PRDM5: variants seen among roughly 807,000 people sequenced by gnomAD.
PRDM5 encodes PR domain zinc finger protein 5.
In PRDM5, 56 loss-of-function variants were observed where a neutral mutation model predicts 81.2. That is an observed-to-expected ratio of 0.69 (90% CI 0.56 to 0.86). The LOEUF (loss-of-function observed/expected upper bound fraction) is 0.86, where lower values mean the gene tolerates loss of function less well. Ranked by LOEUF, PRDM5 falls within the 40% of genes least tolerant of loss-of-function variation. The pLI, the probability that PRDM5 is intolerant of heterozygous loss-of-function variation, is 0.00. For synonymous variants in PRDM5, 267 were observed against 256.4 expected, an observed-to-expected ratio of 1.04 and a Z score of -0.39; for missense variants, 697 against 770.1, an observed-to-expected ratio of 0.91 and a Z score of 1.12.
chr4:120,743,302 C>A (rs1023252177), intron 14 of PRDM5, among the ~76,000 whole-genome samples: 3 of 151,884 alleles, frequency 2.0e-5, no homozygotes, highest in Admixed American at 2.0e-4. Context: ...AAAGGAACAA[C>A]CGGTACCAGC....
chr4:120,718,683 TA>T (rs150503310), intron 14 of PRDM5, among the ~76,000 whole-genome samples: 7,847 of 152,244 alleles, frequency 0.052, 272 homozygotes, highest in East Asian at 0.1. Context: ...GTGTTTTATT[TA>T]AAAAAATCCA....
At chr4:120,900,923 C>T (rs1765160126) in intron 2 of PRDM5, among the ~76,000 whole-genome samples, 2 of 152,096 alleles carry the variant, frequency 1.3e-5, no homozygotes, top group Non-Finnish European at 2.9e-5. Context: ...TCCCTCTCTC[C>T]TCTATTTCTT....
At chr4:120,861,013 T>C (rs995729683) in intron 2 of PRDM5, among the ~76,000 whole-genome samples, 3 of 152,188 alleles carry the variant, frequency 2.0e-5, no homozygotes. Context: ...GTTATCTCTT[T>C]GTTGTTGTTG....
intron 10 of PRDM5, among the ~76,000 whole-genome samples, chr4:120,797,861 G>C (rs1289167356): frequency 6.6e-6 from 1 of 152,112 alleles, no homozygotes; most frequent in Non-Finnish European, 1.5e-5. Flanking sequence ...AACCTCCTGA[G>C]GGGAAAGGAA....
intron 3 of PRDM5, among the ~76,000 whole-genome samples, chr4:120,833,497 G>A (rs77657103): frequency 0.088 from 13,422 of 151,882 alleles, 786 homozygotes; most frequent in East Asian, 0.22. Flanking sequence ...AAAGGTGAAA[G>A]TTCTTGACCT....
In PRDM5 at chr4:120,816,562, G is replaced by A. The variant is rs747035854; in HGVS notation, c.756C>T (p.His252=). The change falls in exon 7 of 16, where the codon CAC becomes CAT. Residue 252 remains histidine (H), a synonymous_variant. Transcript: ENST00000264808. Reference sequence around the variant, plus strand: ...TGGCATCCCCCCGGCAAGTCTCCTGGTGCTGCTCAAAACTACAAGACAACC... The same window carrying A: ...TGGCATCCCCCCGGCAAGTCTCCTGATGCTGCTCAAAACTACAAGACAACC... ...SFSSASSFEQ[H]QETCRGDARF... 1.2e-6 allele frequency: 2 copies of A among 1,614,060 alleles called. No individual in the cohort carries two copies. The highest frequency in any genetic ancestry group is 1.7e-6 in the Non-Finnish European group (2 of 1,180,006).
chr4:120,867,382 T>C (rs926026484), intron 2 of PRDM5, among the ~76,000 whole-genome samples: 1 of 152,156 alleles, frequency 6.6e-6, no homozygotes. Context: ...AACCAAAACA[T>C]ATGTTTCTAC....
chr4:120,906,424 C>A (rs73843656), intron 2 of PRDM5, among the ~76,000 whole-genome samples: 12,602 of 152,192 alleles, frequency 0.083, 545 homozygotes, highest in East Asian at 0.15. Context: ...TAGGCTTGTA[C>A]AAATATGCTC....
intron 13 of PRDM5, among the ~76,000 whole-genome samples, chr4:120,771,312 T>C (rs1157349917): frequency 6.6e-6 from 1 of 152,156 alleles, no homozygotes. Flanking sequence ...AGGATAAGTT[T>C]TATATGGCAA....
At chr4:120,889,800 C>T (rs1333282406) in intron 2 of PRDM5, among the ~76,000 whole-genome samples, 1 of 152,160 alleles carries the variant, frequency 6.6e-6, no homozygotes, top group Non-Finnish European at 1.5e-5. Context: ...GTTTATCTCA[C>T]TTAGAAGTGA....
rs961973411 is a variant in PRDM5 at position 120,873,445 on chromosome 4, G to A, written c.178-19905C>T. 3.9e-5 allele frequency among the ~76,000 whole-genome samples: 6 copies of A among 152,180 alleles called. No homozygotes were observed. In the East Asian group the frequency reaches 5.8e-4, roughly 15 times the overall value. ...AACAGGAAGAGCCAAGACAGAGCCT[G>A]CTTTTCAATTAAAATTCAACACTCC... On this transcript the variant is annotated intron_variant, in intron 2 of 15. Coordinates refer to ENST00000264808, the MANE Select transcript of PRDM5 (RefSeq NM_018699.4).
chr4:120,840,690 C>A (rs752089997), intron 3 of PRDM5, among the ~76,000 whole-genome samples: 32 of 152,310 alleles, frequency 2.1e-4, no homozygotes, highest in Non-Finnish European at 4.6e-4. Context: ...ATATGGGGCC[C>A]CTCTGTCCAT....
chr4:120,749,546 T>C (rs73845482), intron 14 of PRDM5, among the ~76,000 whole-genome samples: 13,341 of 152,176 alleles, frequency 0.088, 1,264 homozygotes, highest in African/African-American at 0.24. Flanking sequence ...TGATGAGCAG[T>C]GGCTGCCAGG....
chr4:120,761,953 C>G (rs1266546993), intron 13 of PRDM5, among the ~76,000 whole-genome samples: 3 of 151,828 alleles, frequency 2.0e-5, no homozygotes, highest in Non-Finnish European at 2.9e-5. Context: ...TATATATTAC[C>G]ACAATTTTTT....
intron 2 of PRDM5, among the ~76,000 whole-genome samples, chr4:120,897,468 C>G (rs562189225): frequency 6.6e-6 from 1 of 152,076 alleles, no homozygotes; most frequent in Admixed American, 6.6e-5. Context: ...CTGTTTCAGG[C>G]TCATACAGCT....
At chr4:120,857,611 C>CCT (rs1760034009) in intron 2 of PRDM5, among the ~76,000 whole-genome samples, 1 of 152,006 alleles carries the variant, frequency 6.6e-6, no homozygotes, top group African/African-American at 2.4e-5. Context: ...CCTAAAAGTT[C>CCT]ACAACATTGA....
chr4:120,884,161 C>T (rs1763150518), intron 2 of PRDM5, among the ~76,000 whole-genome samples: 2 of 152,002 alleles, frequency 1.3e-5, no homozygotes, highest in African/African-American at 4.8e-5. Context: ...ATATAGGGAT[C>T]CCATTGGTCT....
intron 13 of PRDM5, among the ~76,000 whole-genome samples, chr4:120,766,128 T>C (rs1302597077): frequency 6.6e-6 from 1 of 152,000 alleles, no homozygotes; most frequent in Admixed American, 6.6e-5. Context: ...CCCAGCTAAT[T>C]TTTGTATTTT....
chr4:120,777,318 C>T (rs1561193312), intron 12 of PRDM5, 37 bp from the exon 13 acceptor site: 17 of 1,612,448 alleles, frequency 1.1e-5, no homozygotes, highest in Non-Finnish European at 1.4e-5. Flanking sequence ...AGGATAAATA[C>T]AAAGAATTAG....
Sources: gnomAD v4.1 joint callset for allele counts (sites outside exome capture counted in the v4.1 genomes callset) on GRCh38, gnomAD v4.1.1 for gene constraint, MANE v1.5 for transcripts, NCBI Gene and HGNC (gene_info 2026-07-23, HGNC 2026-07-21) for gene names.